TSPAN5: variants seen among roughly 807,000 people sequenced by gnomAD.
The protein encoded by TSPAN5 is tetraspanin-5.
A neutral mutation model predicts 37.1 loss-of-function variants in TSPAN5; 10 were observed. The ratio of observed to expected loss-of-function variants is 0.27; its 90% CI spans 0.17 to 0.46. The LOEUF (loss-of-function observed/expected upper bound fraction) is 0.46, where lower values mean the gene tolerates loss of function less well. Among genes scored for constraint, TSPAN5 ranks in the 20% least tolerant of loss-of-function variants. TSPAN5 has a pLI of 1.00. For synonymous variants in TSPAN5, 110 were observed against 118.9 expected, an observed-to-expected ratio of 0.93 and a Z score of 0.48; for missense variants, 195 against 326.6, an observed-to-expected ratio of 0.60 and a Z score of 3.11.
intron 1 of TSPAN5, among the ~76,000 whole-genome samples, chr4:98,568,465 C>A (rs1290390062): frequency 6.6e-6 from 1 of 151,646 alleles, no homozygotes; most frequent in African/African-American, 2.4e-5. Context: ...TCGTTTGAAC[C>A]CAGAAGGCAG....
chr4:98,644,082 TAG>T (rs1328358700), intron 1 of TSPAN5, among the ~76,000 whole-genome samples: 4 of 152,204 alleles, frequency 2.6e-5, no homozygotes, highest in Non-Finnish European at 5.9e-5. Flanking sequence ...TTAAAAAGTA[TAG>T]AGTTTTTCAA....
At chr4:98,475,490 A>T (rs1260305465) in intron 7 of TSPAN5, among the ~76,000 whole-genome samples, 2 of 152,146 alleles carry the variant, frequency 1.3e-5, no homozygotes, top group Non-Finnish European at 2.9e-5. Context: ...TCTCTGTGAA[A>T]CTTCCCAAAA....
intron 4 of TSPAN5, 117 bp downstream of exon 4, chr4:98,481,888 C>G: frequency 1.1e-6 from 1 of 922,966 alleles, no homozygotes; most frequent in Non-Finnish European, 1.7e-6. Flanking sequence ...AACAAACACC[C>G]ATGCAGAATA....
At chr4:98,641,786 C>T (rs1756966084) in intron 1 of TSPAN5, among the ~76,000 whole-genome samples, 1 of 152,144 alleles carries the variant, frequency 6.6e-6, no homozygotes, top group African/African-American at 2.4e-5. Flanking sequence ...TCCCACTGTC[C>T]CCTCTGCACA....
chr4:98,552,686 A>G (rs1361622368), intron 1 of TSPAN5, among the ~76,000 whole-genome samples: 2 of 152,194 alleles, frequency 1.3e-5, no homozygotes, highest in Non-Finnish European at 2.9e-5. Flanking sequence ...TTTCAAAGAG[A>G]GACTCATTTA....
intron 1 of TSPAN5, among the ~76,000 whole-genome samples, chr4:98,605,865 C>T (rs1301458276): frequency 2.0e-5 from 3 of 152,230 alleles, no homozygotes; most frequent in Non-Finnish European, 2.9e-5. Flanking sequence ...AAACACCTCC[C>T]TGTAGCTCCT....
chr4:98,562,861 A>G (rs182063052), intron 1 of TSPAN5, among the ~76,000 whole-genome samples: 63 of 152,090 alleles, frequency 4.1e-4, no homozygotes, highest in Middle Eastern at 3.4e-3. Context: ...TCAATTTTGC[A>G]TATGTTACAC....
chr4:98,577,048 A>G (rs1241619069), intron 1 of TSPAN5, among the ~76,000 whole-genome samples: 1 of 152,196 alleles, frequency 6.6e-6, no homozygotes, highest in Non-Finnish European at 1.5e-5. Context: ...GGTGTGAGCC[A>G]CTGCACCCGG....
At chr4:98,499,491 T>C (rs1398847260) in intron 2 of TSPAN5, among the ~76,000 whole-genome samples, 1 of 152,126 alleles carries the variant, frequency 6.6e-6, no homozygotes, top group Non-Finnish European at 1.5e-5. Flanking sequence ...CCCAACTAAA[T>C]TTTCATCCCT....
In TSPAN5 at chr4:98,614,649, A is replaced by T. The variant is rs1756277771; in HGVS notation, c.81+43497T>A. Among the ~76,000 whole-genome samples, 4 of 152,220 alleles carry T rather than the reference A, an allele frequency of 2.6e-5. No homozygotes were observed. In the South Asian group the frequency reaches 8.3e-4, roughly 32 times the overall value. ...TATATTGAACAAATTAACATTTCTA[A>T]CATCCAAACACTTATAACTAATTAT... On this transcript the variant is annotated intron_variant, in intron 1 of 7. Transcript: ENST00000305798.
At chr4:98,641,836 C>T (rs1385273802) in intron 1 of TSPAN5, among the ~76,000 whole-genome samples, 3 of 152,148 alleles carry the variant, frequency 2.0e-5, no homozygotes, top group African/African-American at 4.8e-5. Context: ...AGCTGAGGCA[C>T]CTGAGATGCT....
chr4:98,580,270 A>G (rs1714203367), intron 1 of TSPAN5, among the ~76,000 whole-genome samples: 1 of 152,200 alleles, frequency 6.6e-6, no homozygotes, highest in African/African-American at 2.4e-5. Context: ...GTCAGTGCAG[A>G]TGGGGGCAGA....
chr4:98,606,273 A>G (rs749975443), intron 1 of TSPAN5, among the ~76,000 whole-genome samples: 6 of 152,200 alleles, frequency 3.9e-5, no homozygotes, highest in Non-Finnish European at 8.8e-5. Context: ...CAACTCATCA[A>G]GTTCAATTGT....
intron 1 of TSPAN5, among the ~76,000 whole-genome samples, chr4:98,535,139 C>A (rs1754202547): frequency 6.6e-6 from 1 of 152,156 alleles, no homozygotes; most frequent in South Asian, 2.1e-4. Flanking sequence ...ATGGTCTTTA[C>A]AATTTGGTAT....
chr4:98,641,239 A>C (rs934560523), intron 1 of TSPAN5, among the ~76,000 whole-genome samples: 9 of 152,210 alleles, frequency 5.9e-5, no homozygotes, highest in Non-Finnish European at 1.3e-4. Flanking sequence ...ATTCTGTAAC[A>C]AAAAAACCAA....
At chr4:98,625,111 A>G (rs1049381692) in intron 1 of TSPAN5, among the ~76,000 whole-genome samples, 5 of 152,238 alleles carry the variant, frequency 3.3e-5, no homozygotes, top group African/African-American at 1.2e-4. Flanking sequence ...CTTATAATAC[A>G]CCAGACAATT....
rs572623609 is a variant in TSPAN5 at position 98,633,801 on chromosome 4, C to T, written c.81+24345G>A. 3.3e-5 allele frequency among the ~76,000 whole-genome samples: 5 copies of T among 152,216 alleles called. No individual in the cohort carries two copies. In the South Asian group the frequency reaches 6.2e-4, roughly 19 times the overall value. ...GTACTTAAAAGTGATCAATCACGGC[C>T]GGGCACGATGGCTGACGCCTGTAAT... On this transcript the variant is annotated intron_variant, in intron 1 of 7. Coordinates refer to ENST00000305798, the MANE Select transcript of TSPAN5 (RefSeq NM_005723.4).
intron 1 of TSPAN5, among the ~76,000 whole-genome samples, chr4:98,534,266 GT>G (rs1381111534): frequency 6.6e-6 from 1 of 151,972 alleles, no homozygotes; most frequent in Non-Finnish European, 1.5e-5. Context: ...CTTTAATTTC[GT>G]TATGTACCCT....
intron 1 of TSPAN5, among the ~76,000 whole-genome samples, chr4:98,605,165 G>T (rs1756002503): frequency 6.6e-6 from 1 of 152,036 alleles, no homozygotes; most frequent in Admixed American, 6.5e-5. Context: ...TTGAAACAAA[G>T]AACTATTTTC....
Sources: allele counts gnomAD v4.1 joint callset (sites outside exome capture counted in the v4.1 genomes callset), GRCh38; gene constraint gnomAD v4.1.1; transcripts MANE v1.5; gene names NCBI Gene and HGNC (gene_info 2026-07-23, HGNC 2026-07-21).